The following GALNT13 variants were observed in gnomAD, a reference collection of about 807,000 sequenced individuals.
GALNT13 encodes UDP-GalNAc:polypeptide N-acetylgalactosaminyltransferase 13.
In GALNT13, 28 loss-of-function variants were observed where a neutral mutation model predicts 64.2. The observed-to-expected ratio is 0.44, with a 90% confidence interval of 0.32 to 0.60. The LOEUF (loss-of-function observed/expected upper bound fraction) is 0.60. Ranked by LOEUF, GALNT13 falls within the 20% of genes least tolerant of loss-of-function variation. The probability of loss-of-function intolerance (pLI) is 0.05; values close to 1 mark genes in which losing one functional copy is unlikely to be tolerated. For missense variants in GALNT13, 577 were observed against 669.8 expected (o/e 0.86, Z 1.53); for synonymous variants, 214 against 224.6 (o/e 0.95, Z 0.42).
chr2:153,625,141 G>A, the GALNT13 span, among the ~76,000 whole-genome samples: 3 of 152,124 alleles, frequency 2.0e-5, no homozygotes, highest in Admixed American at 2.0e-4. Flanking sequence ...TTGAACTACA[G>A]TCTCAAGGTA....
the GALNT13 span, among the ~76,000 whole-genome samples, chr2:153,276,135 C>T: frequency 6.6e-6 from 1 of 152,060 alleles, no homozygotes; most frequent in Admixed American, 6.6e-5. Flanking sequence ...TTTTCTTATG[C>T]ATACTATCAA....
chr2:153,898,629 T>G (rs1056749495), intron 1 of GALNT13, among the ~76,000 whole-genome samples: 1 of 152,014 alleles, frequency 6.6e-6, no homozygotes, highest in Non-Finnish European at 1.5e-5. Context: ...ATCAATTGTT[T>G]GTAATATTTT....
intron 3 of GALNT13, among the ~76,000 whole-genome samples, chr2:154,006,493 G>T (rs1355487686): frequency 6.6e-6 from 1 of 152,074 alleles, no homozygotes; most frequent in Admixed American, 6.5e-5. Context: ...TTGTAAATTG[G>T]TTATAACTAT....
chr2:154,082,030 C>T (rs1229739891), intron 3 of GALNT13, among the ~76,000 whole-genome samples: 2 of 151,678 alleles, frequency 1.3e-5, no homozygotes, highest in Non-Finnish European at 3.0e-5. Flanking sequence ...ATTTATTATT[C>T]CCTATCCAAA....
chr2:153,727,259 T>C, the GALNT13 span, among the ~76,000 whole-genome samples: 113 of 152,326 alleles, frequency 7.4e-4, no homozygotes, highest in Non-Finnish European at 1.2e-3. Context: ...TTTAGTGTGG[T>C]TTCTGGTCTA....
the GALNT13 span, among the ~76,000 whole-genome samples, chr2:153,671,086 G>C: frequency 6.6e-6 from 1 of 152,204 alleles, no homozygotes; most frequent in South Asian, 2.1e-4. Flanking sequence ...TGGTGTACCT[G>C]AAAGTGACGG....
chr2:153,279,724 C>T, the GALNT13 span, among the ~76,000 whole-genome samples: 1 of 152,002 alleles, frequency 6.6e-6, no homozygotes, highest in East Asian at 1.9e-4. Flanking sequence ...TGCTCCTGAT[C>T]AGTTTATTTC....
At chr2:153,296,627 C>T in the GALNT13 span, among the ~76,000 whole-genome samples, 6 of 152,106 alleles carry the variant, frequency 3.9e-5, no homozygotes, top group Non-Finnish European at 2.9e-5. Context: ...TCCTGACTGA[C>T]GCAGAATGAA....
chr2:154,392,027 A>G (rs974124492), intron 9 of GALNT13, among the ~76,000 whole-genome samples: 1 of 152,182 alleles, frequency 6.6e-6, no homozygotes, highest in Admixed American at 6.5e-5. Context: ...ACCATTACAG[A>G]CAGAAAAAAA....
At chr2:153,391,142 GT>G in the GALNT13 span, among the ~76,000 whole-genome samples, 1 of 152,030 alleles carries the variant, frequency 6.6e-6, no homozygotes, top group Non-Finnish European at 1.5e-5. Flanking sequence ...CTTGTAGGTG[GT>G]TTTAAGAACG....
the GALNT13 span, among the ~76,000 whole-genome samples, chr2:153,541,756 T>G: frequency 1.3e-5 from 2 of 152,206 alleles, no homozygotes; most frequent in African/African-American, 4.8e-5. Context: ...CCCCACTCAG[T>G]TATTAGCATT....
chr2:154,377,572 G>C (rs938901979), intron 9 of GALNT13, among the ~76,000 whole-genome samples: 16 of 152,098 alleles, frequency 1.1e-4, no homozygotes, highest in African/African-American at 3.9e-4. Flanking sequence ...TTATTCAAAT[G>C]AGACTTCGCT....
chr2:154,326,345 C>G (rs1280111072), intron 9 of GALNT13, among the ~76,000 whole-genome samples: 1 of 146,140 alleles, frequency 6.8e-6, no homozygotes, highest in African/African-American at 2.5e-5. Flanking sequence ...AAAAAAAATA[C>G]AAGTTAAATC....
chr2:153,331,987 G>A, the GALNT13 span, among the ~76,000 whole-genome samples: 1 of 152,114 alleles, frequency 6.6e-6, no homozygotes, highest in African/African-American at 2.4e-5. Flanking sequence ...TAGTCTCTGA[G>A]AAGGTTTCGT....
chr2:153,765,116 C>A, the GALNT13 span, among the ~76,000 whole-genome samples: 1 of 152,308 alleles, frequency 6.6e-6, no homozygotes, highest in African/African-American at 2.4e-5. Context: ...GGATGGGAGC[C>A]CCCACACAGG....
intron 3 of GALNT13, among the ~76,000 whole-genome samples, chr2:154,003,290 T>C (rs1398644927): frequency 6.6e-6 from 1 of 152,176 alleles, no homozygotes; most frequent in East Asian, 1.9e-4. Flanking sequence ...ATTCCCAGAC[T>C]GGTGAGGAGA....
intron 3 of GALNT13, among the ~76,000 whole-genome samples, chr2:154,133,411 A>G (rs1682740761): frequency 6.6e-6 from 1 of 151,382 alleles, no homozygotes; most frequent in Non-Finnish European, 1.5e-5. Flanking sequence ...TTTCATTGTG[A>G]GTTGCTATGA....
chr2:153,963,777 GTGTGTT>G (rs1693124396), intron 3 of GALNT13, among the ~76,000 whole-genome samples: 2 of 134,208 alleles, frequency 1.5e-5, no homozygotes, highest in South Asian at 2.4e-4. Context: ...GTGTGTGTGT[GTGTGTT>G]TGGCCAGACT....
At chr2:153,349,181 A>G in the GALNT13 span, among the ~76,000 whole-genome samples, 1 of 152,064 alleles carries the variant, frequency 6.6e-6, no homozygotes, top group Non-Finnish European at 1.5e-5. Flanking sequence ...CTTCTTAAGA[A>G]TATTACTTCA....
Sources: allele counts gnomAD v4.1 joint callset (sites outside exome capture counted in the v4.1 genomes callset), GRCh38; gene constraint gnomAD v4.1.1; transcripts MANE v1.5; gene names NCBI Gene and HGNC (gene_info 2026-07-23, HGNC 2026-07-21).